KAZN: variants seen among roughly 807,000 people sequenced by gnomAD.
KAZN encodes the protein kazrin, periplakin interacting protein, also known as kazrin.
In KAZN, 40 loss-of-function variants were observed where a neutral mutation model predicts 87.4. The observed-to-expected ratio is 0.46, with a 90% confidence interval of 0.36 to 0.60. KAZN has a LOEUF of 0.60. Among genes scored for constraint, KAZN ranks in the 20% least tolerant of loss-of-function variants. The pLI, the probability that KAZN is intolerant of heterozygous loss-of-function variation, is 0.00. For synonymous variants in KAZN, 466 were observed against 458.3 expected (o/e 1.02, Z -0.22); for missense variants, 898 against 1,073.9 (o/e 0.84, Z 2.29).
intron 2 of KAZN, among the ~76,000 whole-genome samples, chr1:14,588,827 A>G (rs1398238338): frequency 1.3e-5 from 2 of 152,150 alleles, no homozygotes; most frequent in African/African-American, 2.4e-5. Flanking sequence ...CTGGCAGGGG[A>G]AGAATGAAGC....
At chr1:14,094,422 G>A (rs950050031) in intron 1 of KAZN, among the ~76,000 whole-genome samples, 1 of 152,124 alleles carries the variant, frequency 6.6e-6, no homozygotes, top group African/African-American at 2.4e-5. Flanking sequence ...TTTTTCACTA[G>A]TGTGTTATTA....
In KAZN at chr1:14,087,203, A is replaced by C. The variant is rs147327823; in HGVS notation, c.92-93232A>C. Among the ~76,000 whole-genome samples the C allele has an allele frequency of 6.5e-3, 990 of 152,268 alleles. 10 individuals carry two copies. In the South Asian group the frequency reaches 0.066, roughly 10 times the overall value. ...TTCTTCGTGTACAGGTCTTGCACTT[A>C]AAAAATTCTCACAATTTTGATGCTA... is the stretch of plus-strand genomic sequence containing the variant. On this transcript the variant is annotated intron_variant, in intron 1 of 16. Coordinates refer to the KAZN transcript ENST00000636203.
chr1:14,338,618 C>T lies in KAZN; in HGVS notation c.249+158026C>T, dbSNP rs567466382. ...AAAGAGAGGCGATGGAAGGAAATTT[C>T]CTTTTCTTGCTGTATGTCGTCATGT... On this transcript the variant is annotated intron_variant, in intron 2 of 16. Coordinates refer to the KAZN transcript ENST00000636203. Among the ~76,000 whole-genome samples, 379 of 151,234 alleles carry T rather than the reference C, an allele frequency of 2.5e-3. 3 individuals carry two copies. Among genetic ancestry groups the T allele is most frequent in the Non-Finnish European group, 7.4e-4 (50 of 67,832 alleles).
chr1:14,119,150 C>G (rs1370128284), intron 1 of KAZN, among the ~76,000 whole-genome samples: 1 of 152,128 alleles, frequency 6.6e-6, no homozygotes, highest in Non-Finnish European at 1.5e-5. Flanking sequence ...GCTCTAACCC[C>G]TTTTTAAAAA....
rs186663234 is a variant in KAZN, at chr1:14,966,128, C to T, written c.418+5253C>T. On this transcript the variant is annotated intron_variant, in intron 2 of 14. Coordinates refer to ENST00000376030, the MANE Select transcript of KAZN (RefSeq NM_201628.3). Reference sequence around the variant, plus strand: ...CCAAGTAGCTGGGATTACAGGCACGCGCCACCATGCCCAGCTAATTTTTGT... The same window carrying T: ...CCAAGTAGCTGGGATTACAGGCACGTGCCACCATGCCCAGCTAATTTTTGT... Among the ~76,000 whole-genome samples, 5 of 151,790 alleles carry T rather than the reference C, an allele frequency of 3.3e-5. No homozygotes were observed. In the East Asian group the frequency reaches 7.8e-4, roughly 24 times the overall value.
intron 2 of KAZN, among the ~76,000 whole-genome samples, chr1:14,553,134 G>T (rs1673643443): frequency 6.6e-6 from 1 of 152,130 alleles, no homozygotes; most frequent in South Asian, 2.1e-4. Context: ...TAACATTTTG[G>T]GAAGCCGAGG....
intron 1 of KAZN, among the ~76,000 whole-genome samples, chr1:14,123,051 G>A (rs1019337878): frequency 5.3e-5 from 8 of 152,186 alleles, no homozygotes; most frequent in East Asian, 1.9e-4. Flanking sequence ...TAAAAATTAC[G>A]TGGGAATGTA....
chr1:14,378,710 A>C (rs1661116572), intron 2 of KAZN, among the ~76,000 whole-genome samples: 1 of 152,216 alleles, frequency 6.6e-6, no homozygotes, highest in African/African-American at 2.4e-5. Context: ...CCCTAGCCAG[A>C]GGGGGATATT....
intron 2 of KAZN, among the ~76,000 whole-genome samples, chr1:14,588,922 C>A (rs1011114100): frequency 1.3e-5 from 2 of 152,156 alleles, no homozygotes; most frequent in African/African-American, 4.8e-5. Context: ...CTTGCACTTG[C>A]GGTCCCAGTG....
chr1:14,584,649 C>CT (rs55669007), intron 2 of KAZN, among the ~76,000 whole-genome samples: 109,053 of 148,732 alleles, frequency 0.73, 40,500 homozygotes, highest in Non-Finnish European at 0.82. Flanking sequence ...TGGAGACAGT[C>CT]TTTTTTTTTT....
In KAZN at chr1:14,659,648, A is replaced by C. The variant is rs148025398; in HGVS notation, c.226+60425A>C. ...ATTTTATGTTTTCCATAAATACAAG[A>C]TGAAGACAGCATTTAAAGCCTATCC... On this transcript the variant is annotated intron_variant, in intron 1 of 14. Coordinates refer to ENST00000376030, the MANE Select transcript of KAZN (RefSeq NM_201628.3). 3.3e-5 allele frequency among the ~76,000 whole-genome samples: 5 copies of C among 152,314 alleles called. No homozygotes were observed. The East Asian group carries it at 9.6e-4, about 29-fold the overall frequency.
chr1:14,411,020 T>C (rs925036153), intron 2 of KAZN, among the ~76,000 whole-genome samples: 1 of 152,096 alleles, frequency 6.6e-6, no homozygotes, highest in Non-Finnish European at 1.5e-5. Flanking sequence ...ACACAACATA[T>C]ATGGATAGAT....
At chr1:14,186,972 C>T (rs551427153) in intron 2 of KAZN, among the ~76,000 whole-genome samples, 5 of 152,214 alleles carry the variant, frequency 3.3e-5, no homozygotes, top group East Asian at 1.9e-4. Flanking sequence ...TGTGGAATCT[C>T]GGAGAAGGAC....
chr1:15,036,791 C>T lies in KAZN; in HGVS notation c.555+1906C>T, dbSNP rs369656121. Reference sequence around the variant, plus strand: ...TCACAGGGGCGTGCTGTGGGAGTTACGGCATGTACTTCAAGGGCTTACAGG... The same window carrying T: ...TCACAGGGGCGTGCTGTGGGAGTTATGGCATGTACTTCAAGGGCTTACAGG... On this transcript the variant is annotated intron_variant, in intron 3 of 14. Coordinates refer to ENST00000376030, the MANE Select transcript of KAZN (RefSeq NM_201628.3). 1.3e-4 allele frequency among the ~76,000 whole-genome samples: 20 copies of T among 152,300 alleles called. No homozygotes were observed. The East Asian group carries it at 2.5e-3, about 19-fold the overall frequency.
chr1:14,206,862 G>T (rs1368099602), intron 2 of KAZN, among the ~76,000 whole-genome samples: 7 of 151,774 alleles, frequency 4.6e-5, no homozygotes, highest in African/African-American at 1.7e-4. Flanking sequence ...GAGCACTCAG[G>T]TTGCTTCCAG....
chr1:14,957,880 G>A (rs1317663006), intron 1 of KAZN, among the ~76,000 whole-genome samples: 12 of 152,222 alleles, frequency 7.9e-5, no homozygotes, highest in Non-Finnish European at 1.5e-4. Context: ...GGCGCCCTCG[G>A]GCTTCTGTGG....
intron 1 of KAZN, among the ~76,000 whole-genome samples, chr1:14,072,375 G>T (rs1056519917): frequency 3.0e-4 from 46 of 152,180 alleles, no homozygotes; most frequent in African/African-American, 1.1e-3. Context: ...CCCCAGCTGT[G>T]GTGCTCCTCC....
At chr1:14,766,740 C>T (rs1014968955) in intron 1 of KAZN, among the ~76,000 whole-genome samples, 14 of 151,076 alleles carry the variant, frequency 9.3e-5, no homozygotes, top group Non-Finnish European at 1.9e-4. Flanking sequence ...GGCAGTGTAG[C>T]GCACTGTTGC....
intron 2 of KAZN, among the ~76,000 whole-genome samples, chr1:14,207,009 G>C (rs1646761083): frequency 6.7e-6 from 1 of 149,334 alleles, no homozygotes; most frequent in South Asian, 2.1e-4. Flanking sequence ...TGTTGCCCAG[G>C]CTGGAGGGCA....
Sources: gnomAD v4.1 joint callset for allele counts (sites outside exome capture counted in the v4.1 genomes callset) on GRCh38, gnomAD v4.1.1 for gene constraint, MANE v1.5 for transcripts, NCBI Gene and HGNC (gene_info 2026-07-23, HGNC 2026-07-21) for gene names.